NRXN3: variants seen among roughly 807,000 people sequenced by gnomAD.
NRXN3 encodes the protein neurexin III.
In NRXN3, 32 loss-of-function variants were observed where a neutral mutation model predicts 137.6. The observed-to-expected ratio is 0.23, with a 90% confidence interval of 0.18 to 0.31. The LOEUF (loss-of-function observed/expected upper bound fraction) is 0.31. Among genes scored for constraint, NRXN3 ranks in the 10% least tolerant of loss-of-function variants. The probability of loss-of-function intolerance (pLI) is 1.00; values close to 1 mark genes in which losing one functional copy is unlikely to be tolerated. For synonymous variants in NRXN3, 798 were observed against 784.5 expected (o/e 1.02, Z -0.29); for missense variants, 1,574 against 2,062.5 (o/e 0.76, Z 4.59).
intron 17 of NRXN3, among the ~76,000 whole-genome samples, chr14:79,678,831 G>A (rs2098654412): frequency 6.6e-6 from 1 of 151,982 alleles, no homozygotes; most frequent in South Asian, 2.1e-4. Flanking sequence ...TAATCTCTTG[G>A]ATCATTATTG....
At chr14:79,517,101 C>A (rs997991756) in intron 16 of NRXN3, among the ~76,000 whole-genome samples, 1 of 150,478 alleles carries the variant, frequency 6.6e-6, no homozygotes, top group Non-Finnish European at 1.5e-5. Flanking sequence ...AGCCCCCCCC[C>A]CCTCAACGAA....
chr14:78,622,949 A>G (rs1275559548), intron 4 of NRXN3, among the ~76,000 whole-genome samples: 1 of 152,212 alleles, frequency 6.6e-6, no homozygotes, highest in Non-Finnish European at 1.5e-5. Context: ...CCATTTATTA[A>G]TTACTTACTA....
At chr14:79,121,177 C>T (rs915888319) in intron 15 of NRXN3, among the ~76,000 whole-genome samples, 2 of 152,212 alleles carry the variant, frequency 1.3e-5, no homozygotes, top group Admixed American at 1.3e-4. Flanking sequence ...ACTGTAAGAA[C>T]ATTTGATCCA....
intron 15 of NRXN3, among the ~76,000 whole-genome samples, chr14:79,147,460 G>A (rs1370536486): frequency 2.6e-5 from 4 of 152,102 alleles, no homozygotes; most frequent in Non-Finnish European, 5.9e-5. Flanking sequence ...TCTTGGGAAA[G>A]CCTCATTGCC....
chr14:78,423,054 A>C (rs1324954904), intron 4 of NRXN3, among the ~76,000 whole-genome samples: 1 of 152,176 alleles, frequency 6.6e-6, no homozygotes, highest in Non-Finnish European at 1.5e-5. Context: ...AGTGGCTCTA[A>C]ATTGTGTTGG....
intron 4 of NRXN3, among the ~76,000 whole-genome samples, chr14:78,510,240 A>G (rs1475905752): frequency 6.8e-6 from 1 of 147,342 alleles, no homozygotes; most frequent in Non-Finnish European, 1.5e-5. Flanking sequence ...AAATAAATTA[A>G]ATAAAAATTA....
At chr14:79,707,329 A>G (rs2154043927) in intron 19 of NRXN3, among the ~76,000 whole-genome samples, 1 of 152,314 alleles carries the variant, frequency 6.6e-6, no homozygotes, top group African/African-American at 2.4e-5. Context: ...ATTTATTTAC[A>G]AAGTAGGCAA....
chr14:79,526,108 C>A (rs570260340), intron 16 of NRXN3, among the ~76,000 whole-genome samples: 1 of 152,082 alleles, frequency 6.6e-6, no homozygotes, highest in Non-Finnish European at 1.5e-5. Flanking sequence ...AGTGCAATGG[C>A]GTGATCTCGG....
intron 16 of NRXN3, among the ~76,000 whole-genome samples, chr14:79,515,028 T>A (rs1351550261): frequency 6.6e-6 from 1 of 150,408 alleles, no homozygotes; most frequent in East Asian, 1.9e-4. Context: ...TGTTTCCTCA[T>A]TCAAAAAAGA....
chr14:79,371,113 A>G (rs1191969173), intron 15 of NRXN3, among the ~76,000 whole-genome samples: 1 of 152,172 alleles, frequency 6.6e-6, no homozygotes, highest in Non-Finnish European at 1.5e-5. Context: ...CAAGCAGTAG[A>G]AAAAGAATAT....
chr14:79,280,223 C>G, intron 15 of NRXN3: 1 of 1,591,736 alleles, frequency 6.3e-7, no homozygotes, highest in Non-Finnish European at 8.5e-7. Context: ...CCTTGGGCAT[C>G]ATGAACTTCA....
intron 15 of NRXN3, among the ~76,000 whole-genome samples, chr14:79,432,659 A>G (rs1027995746): frequency 2.8e-4 from 42 of 152,082 alleles, no homozygotes; most frequent in Non-Finnish European, 5.9e-5. Flanking sequence ...TGAAACAGTT[A>G]TTTTTTCTAT....
chr14:79,539,310 A>G (rs2097249719), intron 16 of NRXN3, among the ~76,000 whole-genome samples: 6 of 152,174 alleles, frequency 3.9e-5, no homozygotes, highest in Admixed American at 3.9e-4. Flanking sequence ...CTGGGACTAC[A>G]GGTGCCCCGC....
intron 3 of NRXN3, among the ~76,000 whole-genome samples, chr14:78,278,942 A>G (rs963086302): frequency 6.6e-5 from 10 of 152,208 alleles, no homozygotes; most frequent in African/African-American, 2.2e-4. Context: ...TTGGGAAAGT[A>G]TTTGTAAAGT....
chr14:79,145,600 A>T (rs1011118795), intron 15 of NRXN3, among the ~76,000 whole-genome samples: 6 of 152,196 alleles, frequency 3.9e-5, no homozygotes, highest in African/African-American at 1.4e-4. Context: ...GAGCAGCCAG[A>T]CAGGTCTTCC....
chr14:78,766,070 A>G (rs960005414), intron 8 of NRXN3, among the ~76,000 whole-genome samples: 2 of 152,216 alleles, frequency 1.3e-5, no homozygotes, highest in African/African-American at 4.8e-5. Flanking sequence ...GGTGCCAGAG[A>G]TAACTCCAGT....
chr14:79,838,154 A>G (rs1388052791), intron 20 of NRXN3, among the ~76,000 whole-genome samples: 1 of 152,208 alleles, frequency 6.6e-6, no homozygotes, highest in East Asian at 1.9e-4. Context: ...CAAAGACAAT[A>G]CTTAAAAGTC....
At chr14:78,435,440 A>G (rs2094029748) in intron 4 of NRXN3, among the ~76,000 whole-genome samples, 2 of 152,198 alleles carry the variant, frequency 1.3e-5, no homozygotes, top group South Asian at 2.1e-4. Context: ...AGGTTATAGC[A>G]TTGCTAAGCA....
chr14:79,853,704 T>C, intron 20 of NRXN3: 6 of 1,231,852 alleles, frequency 4.9e-6, no homozygotes, highest in Non-Finnish European at 6.3e-6. Flanking sequence ...TTCTTTAGCA[T>C]TGTTAAAATT....
Sources: allele counts gnomAD v4.1 joint callset (sites outside exome capture counted in the v4.1 genomes callset), GRCh38; gene constraint gnomAD v4.1.1; transcripts MANE v1.5; gene names NCBI Gene and HGNC (gene_info 2026-07-23, HGNC 2026-07-21).